OSBPL7: variants seen among roughly 807,000 people sequenced by gnomAD.
OSBPL7 encodes oxysterol binding protein like 7.
OSBPL7 carries 66 observed loss-of-function variants against 115.8 expected under a neutral mutation model. That is an observed-to-expected ratio of 0.57 (90% CI 0.47 to 0.70). The LOEUF (loss-of-function observed/expected upper bound fraction) is 0.70. Among genes scored for constraint, OSBPL7 ranks in the 30% least tolerant of loss-of-function variants. The probability of loss-of-function intolerance (pLI) is 0.00; values close to 1 mark genes in which losing one functional copy is unlikely to be tolerated. For synonymous variants in OSBPL7, 441 were observed against 439.2 expected (o/e 1.00, Z -0.05); for missense variants, 902 against 1,125.5 (o/e 0.80, Z 2.84).
In OSBPL7 at chr17:47,813,780, G is replaced by A. The variant is rs759528896; in HGVS notation, c.1406C>T (p.Ala469Val). 49 of 1,612,786 alleles carry A rather than the reference G, an allele frequency of 3.0e-5. No individual in the cohort carries two copies. The highest frequency in any genetic ancestry group is 2.4e-4 in the African/African-American group (18 of 74,896). ...MGPPRRRCLP[A>V]ASGPGADVSL... ...CACGTCAGCCCCAGGCCCGCTGGCC[G>A]CCGGCAGGCAGCGACGGCGGGGTGG... Residue 469 changes from alanine (A) to valine (V), a missense_variant, in exon 15 of 23, where the codon GCG (alanine) becomes GTG (valine). This residue lies in a region of OSBPL7 where 667 missense variants were observed against 788.7 expected (regional missense o/e 0.85). Coordinates refer to ENST00000007414, the MANE Select transcript of OSBPL7 (RefSeq NM_145798.3).
rs2032937668 is a variant in OSBPL7, at chr17:47,808,737, A to C, written c.2298-77T>G. 2.5e-6 allele frequency: 4 copies of C among 1,605,788 alleles called. No individual in the cohort carries two copies. Among genetic ancestry groups the C allele is most frequent in the Non-Finnish European group, 3.4e-6 (4 of 1,175,638 alleles). ...AACCCAAGGCCTCTGTCTCTGCCCA[A>C]CTCTGTCCTCTAGACAAGCCCCACT... On this transcript the variant is annotated intron_variant, in intron 21 of 22. Transcript: ENST00000007414. The surrounding 1 kb of genome is among the most constrained non-coding windows in gnomAD (Gnocchi z 6.1).
chr17:47,815,997 G>T, intron 12 of OSBPL7, 110 bp downstream of exon 12: 1 of 846,194 alleles, frequency 1.2e-6, no homozygotes, highest in Non-Finnish European at 1.8e-6. Context: ...AGGATTTTTG[G>T]GCTGTCTTTG....
chr17:47,811,696 G>A (rs921374411), intron 16 of OSBPL7, among the ~76,000 whole-genome samples: 2 of 152,172 alleles, frequency 1.3e-5, no homozygotes, highest in African/African-American at 2.4e-5. Flanking sequence ...AGTGGGTCAG[G>A]GGGGCGATTC....
Position 47,814,656 on chromosome 17 carries a change from C to T in OSBPL7, c.1258-42G>A, listed in dbSNP as rs1454138205. 4 of 1,589,000 alleles carry T rather than the reference C, an allele frequency of 2.5e-6. No individual in the cohort carries two copies. In the Admixed American group the frequency reaches 5.0e-5, roughly 20 times the overall value. On this transcript the variant is annotated intron_variant, in intron 13 of 22. Transcript: ENST00000007414. Reference sequence around the variant, plus strand: ...GACAGGCCGGGCAGACTGGGCCTCCCCCGGGCAGCTGGGCAGTGCCCAGGG... The same window carrying T: ...GACAGGCCGGGCAGACTGGGCCTCCTCCGGGCAGCTGGGCAGTGCCCAGGG...
At chr17:47,818,740 G>GTGAGCCTT in intron 5 of OSBPL7, 124 bp from the exon 6 acceptor site, 1 of 921,416 alleles carries the variant, frequency 1.1e-6, no homozygotes, top group Non-Finnish European at 1.6e-6. Context: ...GTTTGTGCAA[G>GTGAGCCTT]GCTCACTTGC....
At chr17:47,817,860 T>C (rs1268994849) in intron 7 of OSBPL7, among the ~76,000 whole-genome samples, 1 of 152,206 alleles carries the variant, frequency 6.6e-6, no homozygotes, top group Non-Finnish European at 1.5e-5. Context: ...TCACCTTTGC[T>C]GCCTTTGAGC....
intron 16 of OSBPL7, among the ~76,000 whole-genome samples, chr17:47,812,985 C>T (rs539745089): frequency 6.6e-6 from 1 of 152,304 alleles, no homozygotes; most frequent in African/African-American, 2.4e-5. Flanking sequence ...AGGAACATCC[C>T]ATTCTCCCCA....
rs1282326586 is a variant in OSBPL7 at position 47,814,576 on chromosome 17, G to A, written c.1296C>T (p.Thr432=). Residue 432 remains threonine (T), a synonymous_variant, in exon 14 of 23, where the codon ACC becomes ACT. Transcript: ENST00000007414. ...CCAGCATCTCCTCAGACAGGCTGGT[G>A]GTGATTTCACTGGTACAGGACTCCT... The part of the protein sequence containing the change: ...EEEESCTSEI[T]TSLSEEMLDL... The A allele has an allele frequency of 6.2e-7, 1 of 1,613,984 alleles. No individual in the cohort carries two copies. The highest frequency in any genetic ancestry group is 1.3e-5 in the African/African-American group (1 of 75,030).
At chr17:47,809,629 T>A (rs1486033033) in intron 18 of OSBPL7, 151 bp from the exon 19 acceptor site, 1 of 871,528 alleles carries the variant, frequency 1.1e-6, no homozygotes, top group Non-Finnish European at 1.7e-6. Context: ...TGACTTATAT[T>A]CACAAGGAAG....
intron 16 of OSBPL7, among the ~76,000 whole-genome samples, chr17:47,812,347 C>T (rs2033070590): frequency 6.6e-6 from 1 of 152,198 alleles, no homozygotes; most frequent in South Asian, 2.1e-4. Flanking sequence ...CTCCCGAGGG[C>T]AGTCCTCCCT....
chr17:47,808,908 T>C lies in OSBPL7; in HGVS notation c.2253A>G (p.Lys751=), dbSNP rs2143516901. The C allele has an allele frequency of 2.5e-6, 4 of 1,614,210 alleles. No homozygotes were observed. Among genetic ancestry groups the C allele is most frequent in the Non-Finnish European group, 3.4e-6 (4 of 1,180,034 alleles). Residue 751 remains lysine, a synonymous_variant, in exon 21 of 23, where the codon AAA becomes AAG. Coordinates refer to ENST00000007414, the MANE Select transcript of OSBPL7 (RefSeq NM_145798.3). This position sits in a 1 kb window ranked among gnomAD's most constrained non-coding sequence, Gnocchi z 6.1. ...LELNELTAEL[K]RSLPSTDTRL... ...TCGTGTCGGTGGAAGGCAGCGACCG[T>C]TTCAGCTCTGCTGTCAGCTCATTCA...
chr17:47,819,026 C>A lies in OSBPL7; in HGVS notation c.329G>T (p.Arg110Leu), dbSNP rs1211131585. ...GTTGTCTTCAGTGTCAAGGTCAATG[C>A]GCTGGGCCTTTTTGTTGATGGACAT... ...SVMSINKKAQ[R>L]IDLDTEDNIY... Residue 110 changes from arginine to leucine, a missense_variant, in exon 5 of 23, where the codon CGC (arginine) becomes CTC (leucine). By Grantham distance (102) the Arg-to-Leu change is moderately radical. This residue lies in a region of OSBPL7 where 667 missense variants were observed against 788.7 expected (regional missense o/e 0.85). Coordinates refer to ENST00000007414, the MANE Select transcript of OSBPL7 (RefSeq NM_145798.3). The A allele has an allele frequency of 6.2e-7, 1 of 1,614,094 alleles. No individual in the cohort carries two copies. Among genetic ancestry groups the A allele is most frequent in the Non-Finnish European group, 8.5e-7 (1 of 1,179,998 alleles).
At chr17:47,815,139 G>A in intron 13 of OSBPL7, 76 bp downstream of exon 13, 1 of 1,532,478 alleles carries the variant, frequency 6.5e-7, no homozygotes, top group East Asian at 2.3e-5. Context: ...GGAATCTATG[G>A]TCTCTGTGGA....
At chr17:47,812,151 T>G (rs919825585) in intron 16 of OSBPL7, among the ~76,000 whole-genome samples, 4 of 152,330 alleles carry the variant, frequency 2.6e-5, no homozygotes, top group African/African-American at 9.6e-5. Flanking sequence ...TGCTTTTTTC[T>G]CTATTTTTTC....
At chr17:47,818,146 G>T in intron 7 of OSBPL7, 123 bp downstream of exon 7, 1 of 814,138 alleles carries the variant, frequency 1.2e-6, no homozygotes, top group East Asian at 2.6e-5. Context: ...GGATCTCCTT[G>T]GAGGCAGAGG....
In OSBPL7 at chr17:47,813,787, G is replaced by A; in HGVS notation, c.1399C>T (p.Leu467=). The change falls in exon 15 of 23, where the codon CTG becomes TTG. Residue 467 remains leucine, a synonymous_variant. Transcript: ENST00000007414. ...GCCCCAGGCCCGCTGGCCGCCGGCA[G>A]GCAGCGACGGCGGGGTGGCCCCATG... ...RPMGPPRRRC[L]PAASGPGADV... The A allele has an allele frequency of 6.2e-7, 1 of 1,612,642 alleles. No individual in the cohort carries two copies. Among genetic ancestry groups the A allele is most frequent in the Non-Finnish European group, 8.5e-7 (1 of 1,179,800 alleles).
chr17:47,819,662 C>T, intron 4 of OSBPL7, 67 bp downstream of exon 4: 3 of 1,586,422 alleles, frequency 1.9e-6, no homozygotes, highest in Non-Finnish European at 1.7e-6. Context: ...TCCAGATACC[C>T]CATGCCTGCC....
Position 47,808,065 on chromosome 17 carries a change from G to T in OSBPL7, c.*226C>A. On this transcript the variant is annotated 3_prime_UTR_variant, in exon 23 of 23. Transcript: ENST00000007414. The surrounding 1 kb of genome is among the most constrained non-coding windows in gnomAD (Gnocchi z 6.1). Reference sequence around the variant, plus strand: ...GGGTCTTACATGCTGGTTGTCTGGGGCAAGGAGACTGGGGAAGCACAGATT... The same window carrying T: ...GGGTCTTACATGCTGGTTGTCTGGGTCAAGGAGACTGGGGAAGCACAGATT... 1.7e-6 allele frequency: 1 copy of T among 576,640 alleles called. No homozygotes were observed. Among genetic ancestry groups the T allele is most frequent in the East Asian group, 2.8e-5 (1 of 35,156 alleles). 35.7% of individuals were successfully genotyped at this position (576,640 alleles called of 1,614,324 possible). A position where few individuals can be genotyped will look rare whatever the true frequency, so the allele number is the denominator to read the frequency against.
In OSBPL7 at chr17:47,813,712, A is replaced by C; in HGVS notation, c.1474T>G (p.Ser492Ala). Residue 492 changes from serine (S) to alanine (A), a missense_variant, in exon 15 of 23, where the codon TCC (serine) becomes GCC (alanine). By Grantham distance (99) the Ser-to-Ala change is moderately conservative. Transcript: ENST00000007414. ...ILRNNIGKDLSKVSMPVQLNE... is the reference protein window; with the variant it reads ...ILRNNIGKDLAKVSMPVQLNE... ...AGCTGCACAGGCATTGACACCTTGG[A>C]CAGGTCTTTGCCGATGTTGTTGCGC... The C allele has an allele frequency of 3.1e-6, 5 of 1,613,464 alleles. No homozygotes were observed. The highest frequency in any genetic ancestry group is 4.2e-6 in the Non-Finnish European group (5 of 1,179,996).
Sources: allele counts gnomAD v4.1 joint callset (sites outside exome capture counted in the v4.1 genomes callset), GRCh38; gene constraint gnomAD v4.1.1; regional missense constraint gnomAD v4.1.1; non-coding constraint Gnocchi (gnomAD v3.1); transcripts MANE v1.5; gene names NCBI Gene and HGNC (gene_info 2026-07-23, HGNC 2026-07-21).